DNAH3: variants seen among roughly 807,000 people sequenced by gnomAD.
DNAH3 encodes axonemal beta dynein heavy chain 3.
In DNAH3, 332 loss-of-function variants were observed where a neutral mutation model predicts 432.5. The ratio of observed to expected loss-of-function variants is 0.77; its 90% CI spans 0.70 to 0.84. The LOEUF (loss-of-function observed/expected upper bound fraction) is 0.84, where lower values mean the gene tolerates loss of function less well. DNAH3 is among the 40% of genes least tolerant of loss of function. DNAH3 has a pLI of 0.00. For synonymous variants in DNAH3, 1,956 were observed against 1,900.2 expected (o/e 1.03, Z -0.76); for missense variants, 4,861 against 5,114.0 (o/e 0.95, Z 1.51).
Position 21,150,750 on chromosome 16 carries a change from C to A in DNAH3, c.118-4662G>T, listed in dbSNP as rs2092844192. 6.4e-6 allele frequency: 1 copy of A among 155,256 alleles called. No individual in the cohort carries two copies. The highest frequency in any genetic ancestry group is 1.4e-5 in the Non-Finnish European group (1 of 70,096). 9.6% of individuals were successfully genotyped at this position (155,256 alleles called of 1,614,324 possible). ...TTAATACAGAGAAGAGGGAGACTCA[C>A]CCCTCCAAACAACATCCTGGCAGCC... On this transcript the variant is annotated intron_variant, in intron 1 of 61. Transcript: ENST00000261383.
chr16:21,113,760 A>G (rs1448830739), intron 12 of DNAH3, among the ~76,000 whole-genome samples: 1 of 152,138 alleles, frequency 6.6e-6, no homozygotes, highest in Non-Finnish European at 1.5e-5. Context: ...GGCCGGGCCC[A>G]ATGTCTTTAA....
At chr16:21,154,261 C>T (rs899378775) in intron 1 of DNAH3, among the ~76,000 whole-genome samples, 1 of 152,174 alleles carries the variant, frequency 6.6e-6, no homozygotes, top group East Asian at 1.9e-4. Flanking sequence ...AAAAATTAGC[C>T]GGGCGTGGTG....
At chr16:21,128,691 T>TAAA (rs11074482) in intron 7 of DNAH3, among the ~76,000 whole-genome samples, 1 of 138,568 alleles carries the variant, frequency 7.2e-6, no homozygotes, top group East Asian at 2.1e-4. Context: ...GAGACTCGTC[T>TAAA]AAAAAAAAAA....
intron 31 of DNAH3, among the ~76,000 whole-genome samples, chr16:21,042,415 A>T (rs1026247411): frequency 6.7e-6 from 1 of 150,368 alleles, no homozygotes; most frequent in African/African-American, 2.4e-5. Context: ...GTGTGTTAAT[A>T]GTTTCCATAG....
chr16:20,960,678 C>T (rs888196699), intron 53 of DNAH3, among the ~76,000 whole-genome samples: 2 of 152,114 alleles, frequency 1.3e-5, no homozygotes, highest in African/African-American at 4.8e-5. Context: ...GCACTCTGGC[C>T]TGGGTTACAC....
intron 1 of DNAH3, among the ~76,000 whole-genome samples, chr16:21,156,788 T>G (rs2092900371): frequency 6.6e-6 from 1 of 152,048 alleles, no homozygotes; most frequent in Non-Finnish European, 1.5e-5. Flanking sequence ...GAGGAACACA[T>G]GATGTGATGG....
chr16:21,069,949 C>A (rs1314333032), intron 22 of DNAH3, among the ~76,000 whole-genome samples: 1 of 152,140 alleles, frequency 6.6e-6, no homozygotes, highest in East Asian at 1.9e-4. Context: ...CCGTGTTTTC[C>A]AGATGTAGAA....
intron 51 of DNAH3, among the ~76,000 whole-genome samples, chr16:20,972,153 G>A (rs929030503): frequency 6.6e-6 from 1 of 152,068 alleles, no homozygotes; most frequent in African/African-American, 2.4e-5. Flanking sequence ...GGGCAGCTCC[G>A]ATGTTGCCAG....
intron 26 of DNAH3, among the ~76,000 whole-genome samples, chr16:21,058,919 A>G (rs1455889534): frequency 6.7e-6 from 1 of 150,118 alleles, no homozygotes; most frequent in African/African-American, 2.5e-5. Context: ...ATGGGTTGAT[A>G]GGTGCAGCAA....
At chr16:21,086,090 C>T (rs935156205) in intron 19 of DNAH3, among the ~76,000 whole-genome samples, 3 of 152,244 alleles carry the variant, frequency 2.0e-5, no homozygotes, top group East Asian at 3.9e-4. Context: ...GAATTACAGG[C>T]CAAGTCAGAG....
chr16:21,078,275 CAA>C (rs1202846920), intron 20 of DNAH3, among the ~76,000 whole-genome samples: 3,071 of 83,796 alleles, frequency 0.037, 112 homozygotes, highest in African/African-American at 0.13. Context: ...AATTCCGTCT[CAA>C]AAAAAAAAAA....
chr16:20,981,075 G>A (rs1428141240), intron 49 of DNAH3, among the ~76,000 whole-genome samples: 1 of 152,144 alleles, frequency 6.6e-6, no homozygotes, highest in Non-Finnish European at 1.5e-5. Context: ...TGGGCAGCAG[G>A]TCTAAAAAGC....
Position 21,145,171 on chromosome 16 carries a change from C to A in DNAH3, c.448+10G>T. Reference sequence around the variant, plus strand: ...CCCATTCTGCAAGGGTGTGACACTGCCACAAGTACCTGATGATGGCAGCCC... The same window carrying A: ...CCCATTCTGCAAGGGTGTGACACTGACACAAGTACCTGATGATGGCAGCCC... On this transcript the variant is annotated intron_variant, in intron 3 of 61. Coordinates refer to ENST00000261383, the Ensembl canonical transcript of DNAH3. 1 of 1,604,442 alleles carries A rather than the reference C, an allele frequency of 6.2e-7. No individual in the cohort carries two copies. Among genetic ancestry groups the A allele is most frequent in the Non-Finnish European group, 8.5e-7 (1 of 1,174,286 alleles).
chr16:21,096,187 G>A (rs1483543622), intron 18 of DNAH3, among the ~76,000 whole-genome samples: 1 of 150,474 alleles, frequency 6.6e-6, no homozygotes. Context: ...AAGTTGGGGT[G>A]TAGTAAGCAG....
intron 38 of DNAH3, among the ~76,000 whole-genome samples, chr16:21,026,105 T>C (rs2088540722): frequency 6.6e-6 from 1 of 152,136 alleles, no homozygotes; most frequent in Non-Finnish European, 1.5e-5. Context: ...TCTGCCACTA[T>C]ATTTTTTGTA....
chr16:21,064,565 A>T (rs2090474951), intron 24 of DNAH3, among the ~76,000 whole-genome samples: 1 of 152,208 alleles, frequency 6.6e-6, no homozygotes, highest in South Asian at 2.1e-4. Flanking sequence ...TTTGTTGCTG[A>T]TCAACTAACA....
rs532721864 is a variant in DNAH3 at position 21,068,932 on chromosome 16, T to A, written c.3381+483A>T. On this transcript the variant is annotated intron_variant, in intron 23 of 61. Coordinates refer to ENST00000261383, the Ensembl canonical transcript of DNAH3. ...TATTTGTATTTGCTTTTTTTTTTTT[T>A]AATTTTTTTTGAGACGGAGTCTTGC... Among the ~76,000 whole-genome samples the A allele has an allele frequency of 1.3e-4, 20 of 151,942 alleles. No individual in the cohort carries two copies. The South Asian group carries it at 3.1e-3, about 24-fold the overall frequency.
chr16:20,994,413 A>G lies in DNAH3; in HGVS notation c.6601+2870T>C, dbSNP rs1280285687. ...GCCATTGCACTCCAGCCTGGGCGAC[A>G]AGAGCGAGACTCTGTCTCAAAATAT... On this transcript the variant is annotated intron_variant, in intron 44 of 61. Coordinates refer to ENST00000261383, the Ensembl canonical transcript of DNAH3. Among the ~76,000 whole-genome samples, 3 of 152,336 alleles carry G rather than the reference A, an allele frequency of 2.0e-5. 1 individual carries two copies. The Middle Eastern group carries it at 0.01, about 518-fold the overall frequency.
chr16:20,975,148 G>T (rs2085527311), intron 51 of DNAH3, 85 bp downstream of exon 51: 1 of 1,508,684 alleles, frequency 6.6e-7, no homozygotes, highest in Non-Finnish European at 9.0e-7. Context: ...CCCTTTCTGA[G>T]CCTCACTTTT....
Sources: allele counts gnomAD v4.1 joint callset (sites outside exome capture counted in the v4.1 genomes callset), GRCh38; gene constraint gnomAD v4.1.1; transcripts MANE v1.5; gene names NCBI Gene and HGNC (gene_info 2026-07-23, HGNC 2026-07-21).